The following NEK10 variants were observed in gnomAD, a reference collection of about 807,000 sequenced individuals.
NEK10 encodes the protein serine/threonine-protein kinase Nek10.
In NEK10, 122 loss-of-function variants were observed where a neutral mutation model predicts 159.8. That is an observed-to-expected ratio of 0.76 (90% CI 0.66 to 0.89). The LOEUF (loss-of-function observed/expected upper bound fraction) is 0.89. Among genes scored for constraint, NEK10 ranks in the 40% least tolerant of loss-of-function variants. The pLI is 0.00. For synonymous variants in NEK10, 466 were observed against 457.1 expected, an observed-to-expected ratio of 1.02 and a Z score of -0.25; for missense variants, 1,342 against 1,323.1, an observed-to-expected ratio of 1.01 and a Z score of -0.22.
chr3:27,284,751 T>C, intron 21 of NEK10, 47 bp from the exon 22 acceptor site: 1 of 1,531,476 alleles, frequency 6.5e-7, no homozygotes, highest in South Asian at 1.1e-5. Context: ...CCAACATACA[T>C]ATAGCCAAAG....
intron 25 of NEK10, among the ~76,000 whole-genome samples, chr3:27,193,482 T>G (rs997915118): frequency 1.3e-5 from 2 of 151,570 alleles, no homozygotes; most frequent in African/African-American, 4.8e-5. Context: ...GGCCCTTAAC[T>G]TCCTCCACTC....
At chr3:27,329,566 G>T (rs898431445) in intron 5 of NEK10, among the ~76,000 whole-genome samples, 10 of 152,182 alleles carry the variant, frequency 6.6e-5, no homozygotes, top group African/African-American at 2.4e-4. Context: ...GTGGTTACCT[G>T]TAGCCAAGGA....
intron 23 of NEK10, chr3:27,215,491 A>T: frequency 2.4e-6 from 1 of 415,114 alleles, no homozygotes; most frequent in Non-Finnish European, 4.2e-6. Context: ...CAAATGCAAT[A>T]CATTTTTAAA....
At chr3:27,304,693 G>C in intron 12 of NEK10, 54 bp downstream of exon 12, 1 of 1,124,208 alleles carries the variant, frequency 8.9e-7, no homozygotes, top group Non-Finnish European at 1.4e-6. Flanking sequence ...TTGTCACAGA[G>C]TCCCCAGACT....
chr3:27,331,262 A>AAAAAAAAAAACAAAAAAAC, intron 5 of NEK10, among the ~76,000 whole-genome samples: 1 of 110,080 alleles, frequency 9.1e-6, no homozygotes, highest in Non-Finnish European at 2.0e-5. Flanking sequence ...AAAAAAAAAA[A>AAAAAAAAAAACAAAAAAAC]ACACACAAAC....
chr3:27,298,329 C>T (rs189195632), intron 13 of NEK10, among the ~76,000 whole-genome samples: 166 of 152,208 alleles, frequency 1.1e-3, no homozygotes, highest in African/African-American at 3.9e-3. Context: ...ATGGGAGTTT[C>T]CTTGCACAAG....
intron 23 of NEK10, among the ~76,000 whole-genome samples, chr3:27,251,945 T>C (rs1324736778): frequency 2.6e-5 from 4 of 152,216 alleles, no homozygotes; most frequent in Non-Finnish European, 4.4e-5. Context: ...AAAAGCATTT[T>C]CTTCAGGCTT....
intron 25 of NEK10, among the ~76,000 whole-genome samples, chr3:27,194,843 A>G (rs539006028): frequency 3.9e-5 from 6 of 152,348 alleles, no homozygotes; most frequent in African/African-American, 1.4e-4. Flanking sequence ...AAGTAAACAG[A>G]CAATATTCTC....
At chr3:27,163,021 T>C (rs1394761905) in intron 29 of NEK10, among the ~76,000 whole-genome samples, 2 of 152,148 alleles carry the variant, frequency 1.3e-5, no homozygotes, top group Non-Finnish European at 2.9e-5. Context: ...TAGTTACACT[T>C]AAACTCAAAA....
At chr3:27,112,527 A>G (rs1466660152) in intron 35 of NEK10, among the ~76,000 whole-genome samples, 1 of 152,232 alleles carries the variant, frequency 6.6e-6, no homozygotes, top group African/African-American at 2.4e-5. Flanking sequence ...AGATCTGGGT[A>G]GACCCTGGTG....
intron 1 of NEK10, among the ~76,000 whole-genome samples, chr3:27,365,574 G>GT (rs1024304649): frequency 1.5e-4 from 17 of 116,126 alleles, no homozygotes; most frequent in Admixed American, 4.1e-4. Context: ...TCATATTCCT[G>GT]TTTTTTTGTT....
intron 5 of NEK10, among the ~76,000 whole-genome samples, chr3:27,335,997 A>G (rs1214446290): frequency 6.6e-6 from 1 of 152,200 alleles, no homozygotes; most frequent in Non-Finnish European, 1.5e-5. Flanking sequence ...AGAAGGAAAG[A>G]AACAAAAAAG....
intron 15 of NEK10, among the ~76,000 whole-genome samples, chr3:27,294,966 C>A (rs746230164): frequency 2.0e-5 from 3 of 152,074 alleles, no homozygotes; most frequent in Non-Finnish European, 4.4e-5. Flanking sequence ...ACCACACACC[C>A]CAGTTCCACT....
At chr3:27,332,092 C>T (rs980368410) in intron 5 of NEK10, among the ~76,000 whole-genome samples, 3 of 152,100 alleles carry the variant, frequency 2.0e-5, no homozygotes, top group East Asian at 1.9e-4. Flanking sequence ...AGTACCAGAA[C>T]GAGGCCAGTT....
At chr3:27,280,095 GAAAAAAAAAAAA>G (rs1203824501) in intron 22 of NEK10, among the ~76,000 whole-genome samples, 1 of 69,466 alleles carries the variant, frequency 1.4e-5, no homozygotes, top group African/African-American at 5.4e-5. Flanking sequence ...CCCTAAAATG[GAAAAAAAAAAAA>G]AAAAAAAAAA....
At chr3:27,204,295 G>GTTTTTTTTT (rs1950306350) in intron 23 of NEK10, among the ~76,000 whole-genome samples, 5 of 73,992 alleles carry the variant, frequency 6.8e-5, no homozygotes, top group African/African-American at 1.2e-4. Flanking sequence ...TTTTTTTTTT[G>GTTTTTTTTT]TTGTTGTTTT....
At chr3:27,266,186 C>G (rs1331296262) in intron 22 of NEK10, among the ~76,000 whole-genome samples, 2 of 152,136 alleles carry the variant, frequency 1.3e-5, no homozygotes, top group East Asian at 3.9e-4. Context: ...AAGTTTTAAA[C>G]TTTGACTAAG....
intron 16 of NEK10, among the ~76,000 whole-genome samples, chr3:27,292,448 C>G (rs187993354): frequency 6.6e-6 from 1 of 152,252 alleles, no homozygotes; most frequent in Admixed American, 6.5e-5. Flanking sequence ...TAAAGAGATT[C>G]ATTCATCATT....
chr3:27,344,388 GA>G lies in NEK10; in HGVS notation c.264-19del, dbSNP rs780117220. 276 of 1,339,576 alleles carry G rather than the reference GA, an allele frequency of 2.1e-4. 1 individual carries two copies. Among genetic ancestry groups the G allele is most frequent in the Non-Finnish European group, 3.2e-5 (30 of 943,918 alleles). 83.0% of individuals were successfully genotyped at this position (1,339,576 alleles called of 1,614,324 possible). ...AGTTTATACTGAGACAAAACAAACAGAAAAGGATTTTGTAATAGAGATCAGG... is the reference window on the plus strand; with the variant it reads ...AGTTTATACTGAGACAAAACAAACAGAAAGGATTTTGTAATAGAGATCAGG... On this transcript the variant is annotated intron_variant, in intron 4 of 35. Coordinates refer to ENST00000691995, the MANE Select transcript of NEK10 (RefSeq NM_001394966.1).
Sources: allele counts gnomAD v4.1 joint callset (sites outside exome capture counted in the v4.1 genomes callset), GRCh38; gene constraint gnomAD v4.1.1; transcripts MANE v1.5; gene names NCBI Gene and HGNC (gene_info 2026-07-23, HGNC 2026-07-21).